Variants in ARHGAP21 observed in about 807,000 individuals in gnomAD.
ARHGAP21 encodes rho GTPase-activating protein 21.
In ARHGAP21, 38 loss-of-function variants were observed where a neutral mutation model predicts 164.6. The ratio of observed to expected loss-of-function variants is 0.23; its 90% CI spans 0.18 to 0.30. The LOEUF (loss-of-function observed/expected upper bound fraction) is 0.30, where lower values mean the gene tolerates loss of function less well. Among genes scored for constraint, ARHGAP21 ranks in the 10% least tolerant of loss-of-function variants. The pLI is 1.00. For synonymous variants in ARHGAP21, 766 were observed against 857.9 expected (o/e 0.89, Z 1.87); for missense variants, 1,822 against 2,370.7 (o/e 0.77, Z 4.81).
At chr10:24,618,288 G>A (rs533625090) in intron 9 of ARHGAP21, among the ~76,000 whole-genome samples, 1 of 152,190 alleles carries the variant, frequency 6.6e-6, no homozygotes, top group African/African-American at 2.4e-5. Flanking sequence ...TATGTGCCAC[G>A]CAGTGTTCTA....
rs376613718 is a variant in ARHGAP21 at position 24,600,949 on chromosome 10, T to G, written c.2848-19A>C. 51 of 1,603,784 alleles carry G rather than the reference T, an allele frequency of 3.2e-5. No homozygotes were observed. The African/African-American group carries it at 5.9e-4, about 19-fold the overall frequency. On this transcript the variant is annotated intron_variant, in intron 13 of 25. Transcript: ENST00000396432. ...CAACTCGCTAGAAAACATGCGACAG[T>G]TCTTTAATAGTCAATATTTGGCTAA... is the stretch of plus-strand genomic sequence containing the variant.
chr10:24,710,102 C>T lies in ARHGAP21; in HGVS notation c.63+11735G>A, dbSNP rs548043289. ...AACTAACTTGAGTACATTGAAAGGA[C>T]TCAATAAAGGCTGTTGCTCACTTCT... On this transcript the variant is annotated intron_variant, in intron 2 of 25. Transcript: ENST00000396432. Among the ~76,000 whole-genome samples, 9 of 152,236 alleles carry T rather than the reference C, an allele frequency of 5.9e-5. No homozygotes were observed. In the East Asian group the frequency reaches 1.5e-3, roughly 26 times the overall value.
At chr10:24,635,986 CAAATACA>C (rs1836345356) in intron 4 of ARHGAP21, among the ~76,000 whole-genome samples, 1 of 152,126 alleles carries the variant, frequency 6.6e-6, no homozygotes, top group South Asian at 2.1e-4. Flanking sequence ...CAATCAGAGA[CAAATACA>C]AAATACAGTC....
At position 24,607,529 on chromosome 10, in the gene ARHGAP21, C is replaced by T; in HGVS notation, c.2654G>A (p.Gly885Asp). Residue 885 changes from glycine (G) to aspartate (D), a missense_variant, in exon 11 of 26, where the codon GGT becomes GAT. Gly to Asp is a moderately conservative substitution (Grantham distance 94). Transcript: ENST00000396432. Reference protein sequence around the residue: ...KTERSKSYDEGLDDYREDAKL... With the variant: ...KTERSKSYDEDLDDYREDAKL... ...TGCATCTTCTCTGTAATCATCCAGA[C>T]CCTCATCATATGATTTTGATCTTTC... is the stretch of plus-strand genomic sequence containing the variant. 1.2e-6 allele frequency: 2 copies of T among 1,613,666 alleles called. No homozygotes were observed. Among genetic ancestry groups the T allele is most frequent in the Non-Finnish European group, 1.7e-6 (2 of 1,180,008 alleles).
At chr10:24,671,480 A>G (rs1840699996) in intron 2 of ARHGAP21, among the ~76,000 whole-genome samples, 2 of 152,164 alleles carry the variant, frequency 1.3e-5, no homozygotes, top group South Asian at 2.1e-4. Context: ...ATCGCCTGCC[A>G]TGATCACCCC....
At chr10:24,662,437 C>T (rs1329976087) in intron 4 of ARHGAP21, among the ~76,000 whole-genome samples, 2 of 152,012 alleles carry the variant, frequency 1.3e-5, no homozygotes, top group Non-Finnish European at 2.9e-5. Context: ...GCCTCAGTTC[C>T]CTCATCTACA....
At chr10:24,667,432 A>C (rs1262998758) in intron 3 of ARHGAP21, among the ~76,000 whole-genome samples, 1 of 152,162 alleles carries the variant, frequency 6.6e-6, no homozygotes, top group East Asian at 1.9e-4. Flanking sequence ...TGTGCCTTTA[A>C]GGGATATTAC....
chr10:24,685,441 A>G (rs1402803374), intron 2 of ARHGAP21, among the ~76,000 whole-genome samples: 1 of 152,208 alleles, frequency 6.6e-6, no homozygotes, highest in African/African-American at 2.4e-5. Flanking sequence ...ATGTCTACCA[A>G]AATCAAAGAT....
chr10:24,598,217 T>G (rs557491397), intron 14 of ARHGAP21, among the ~76,000 whole-genome samples: 27 of 152,206 alleles, frequency 1.8e-4, no homozygotes, highest in African/African-American at 3.4e-4. Context: ...GGGTTTTGCT[T>G]CTTTTCTGTA....
intron 24 of ARHGAP21, chr10:24,590,672 C>T (rs1165147391): frequency 7.5e-7 from 1 of 1,327,878 alleles, no homozygotes; most frequent in African/African-American, 1.5e-5. Flanking sequence ...ATTAGGGTGG[C>T]AACAGGAAAC....
At chr10:24,628,950 C>CTATATATAT (rs1565054194) in intron 7 of ARHGAP21, 3 of 53,570 alleles carry the variant, frequency 5.6e-5, no homozygotes, top group Admixed American at 3.0e-4. Flanking sequence ...TACACACACA[C>CTATATATAT]ACTATATATA....
chr10:24,657,571 C>T lies in ARHGAP21; in HGVS notation c.268+9414G>A, dbSNP rs1305701851. Among the ~76,000 whole-genome samples the T allele has an allele frequency of 6.1e-5, 8 of 130,290 alleles. No individual in the cohort carries two copies. In the East Asian group the frequency reaches 7.1e-4, roughly 12 times the overall value. 85.5% of individuals were successfully genotyped at this position (130,290 alleles called of 152,430 possible). A position where few individuals can be genotyped will look rare whatever the true frequency, so the allele number is the denominator to read the frequency against. ...GGTGTGCCCAACAGCTCATTGAGAACGGGCCAGGATGACAATGGCTGCTTT... is the reference window on the plus strand; with the variant it reads ...GGTGTGCCCAACAGCTCATTGAGAATGGGCCAGGATGACAATGGCTGCTTT... On this transcript the variant is annotated intron_variant, in intron 4 of 25. Transcript: ENST00000396432.
rs770454856 is a variant in ARHGAP21, at chr10:24,584,397, G to A, written c.*15C>T. ...CAGTAGTTTTTTTACTTGCTAGAGT[G>A]GACATACCCCCAGTTTAAAGACAGG... On this transcript the variant is annotated 3_prime_UTR_variant, in exon 26 of 26. Transcript: ENST00000396432. 6.3e-7 allele frequency: 1 copy of A among 1,575,182 alleles called. No homozygotes were observed.
chr10:24,720,718 CACACTTAGAG>C (rs1845842563), intron 2 of ARHGAP21, among the ~76,000 whole-genome samples: 1 of 152,192 alleles, frequency 6.6e-6, no homozygotes, highest in Non-Finnish European at 1.5e-5. Flanking sequence ...CCAAAACTCA[CACACTTAGAG>C]CCAGCCCTTG....
intron 9 of ARHGAP21, among the ~76,000 whole-genome samples, chr10:24,614,383 T>A (rs1334673803): frequency 6.6e-6 from 1 of 152,240 alleles, no homozygotes; most frequent in East Asian, 1.9e-4. Flanking sequence ...TTTAGGTTTT[T>A]ATAAACCAGG....
chr10:24,660,686 G>C (rs1365109689), intron 4 of ARHGAP21, among the ~76,000 whole-genome samples: 1 of 152,106 alleles, frequency 6.6e-6, no homozygotes, highest in East Asian at 1.9e-4. Context: ...TATTATATCT[G>C]ATTTTTTGCA....
At chr10:24,678,046 G>A (rs1160635142) in intron 2 of ARHGAP21, among the ~76,000 whole-genome samples, 2 of 151,798 alleles carry the variant, frequency 1.3e-5, no homozygotes, top group Non-Finnish European at 2.9e-5. Context: ...AGGGCAGCTT[G>A]AGCCCAGGAG....
chr10:24,621,294 G>A lies in ARHGAP21; in HGVS notation c.601C>T (p.Pro201Ser), dbSNP rs761653234. 1 of 1,613,226 alleles carries A rather than the reference G, an allele frequency of 6.2e-7. No individual in the cohort carries two copies. Residue 201 changes from proline to serine, a missense_variant, in exon 9 of 26, where the codon CCA (proline) becomes TCA (serine). Physicochemically the swap from Pro to Ser is moderately conservative, Grantham distance 74. This residue lies in a region of ARHGAP21 where 1,090 missense variants were observed against 1,378.9 expected (regional missense o/e 0.79). Transcript: ENST00000396432. ...GNARNIPEPPPICYPWLPSAP... is the reference protein window; with the variant it reads ...GNARNIPEPPSICYPWLPSAP... ...GATGGCAGCCAGGGATAGCAGATTG[G>A]TGGAGGTTCAGGTATATTGCGGGCA... is the stretch of plus-strand genomic sequence containing the variant.
Position 24,620,266 on chromosome 10 carries a change from T to G in ARHGAP21, c.1629A>C (p.Arg543Ser), listed in dbSNP as rs1834409567. ...ATTTATGAATTTCTTGCTGCCTAGG[T>G]CTTTCACAAATACCTCGTCTATCAT... ...EQDDRRGICE[R>S]PRQQEIHKSF... Residue 543 changes from arginine (R) to serine (S), a missense_variant, in exon 9 of 26, where the codon AGA becomes AGC. By Grantham distance (110) the Arg-to-Ser change is moderately radical. Coordinates refer to ENST00000396432, the MANE Select transcript of ARHGAP21 (RefSeq NM_020824.4). 6.2e-7 allele frequency: 1 copy of G among 1,613,846 alleles called. No individual in the cohort carries two copies. The highest frequency in any genetic ancestry group is 8.5e-7 in the Non-Finnish European group (1 of 1,179,882).
Sources: gnomAD v4.1 joint callset for allele counts (sites outside exome capture counted in the v4.1 genomes callset) on GRCh38, gnomAD v4.1.1 for gene constraint, gnomAD v4.1.1 regional missense constraint, MANE v1.5 for transcripts, NCBI Gene and HGNC (gene_info 2026-07-23, HGNC 2026-07-21) for gene names.